The following IQSEC2 variants were observed in gnomAD, a reference collection of about 807,000 sequenced individuals.
The protein encoded by IQSEC2 is IQ motif and SEC7 domain-containing protein 2.
IQSEC2 carries 6 observed loss-of-function variants against 74.6 expected under a neutral mutation model. The ratio of observed to expected loss-of-function variants is 0.08; its 90% CI spans 0.04 to 0.16. IQSEC2 has a LOEUF of 0.16. Ranked by LOEUF, IQSEC2 falls within the 10% of genes least tolerant of loss-of-function variation. The pLI is 1.00. For synonymous variants in IQSEC2, 494 were observed against 544.5 expected (o/e 0.91, Z 1.29); for missense variants, 734 against 1,306.2 (o/e 0.56, Z 6.75).
intron 12 of IQSEC2, chrX:53,237,703 A>G (rs2074156687): frequency 5.8e-6 from 1 of 173,433 alleles, no homozygotes; most frequent in South Asian, 1.2e-4. Context: ...AATGCCTAAG[A>G]TGTGTTGGGA....
intron 2 of IQSEC2, among the ~76,000 whole-genome samples, chrX:53,269,984 C>G (rs950912250): frequency 3.6e-5 from 4 of 110,530 alleles, no homozygotes; most frequent in African/African-American, 1.3e-4. Context: ...TGCTCTGGCC[C>G]TCTTCTCTTT....
intron 1 of IQSEC2, among the ~76,000 whole-genome samples, chrX:53,301,295 C>A (rs782118270): frequency 9.0e-6 from 1 of 111,649 alleles, no homozygotes; most frequent in Non-Finnish European, 1.9e-5. Flanking sequence ...CCCTTCCCTG[C>A]AAAGCAGGAC....
chrX:53,281,054 T>C (rs2147263162), intron 2 of IQSEC2, among the ~76,000 whole-genome samples: 1 of 112,958 alleles, frequency 8.9e-6, no homozygotes, highest in African/African-American at 3.2e-5. Flanking sequence ...TCGAAGGCTC[T>C]GGATTAATCA....
At chrX:53,268,283 G>T (rs1254422107) in intron 2 of IQSEC2, among the ~76,000 whole-genome samples, 2 of 111,317 alleles carry the variant, frequency 1.8e-5, no homozygotes, top group African/African-American at 6.6e-5. Flanking sequence ...GGGAAGTGAA[G>T]GGAAAGGAAA....
At chrX:53,289,704 G>GC (rs1197591779) in intron 2 of IQSEC2, among the ~76,000 whole-genome samples, 15 of 111,202 alleles carry the variant, frequency 1.3e-4, no homozygotes, top group Non-Finnish European at 2.6e-4. Context: ...CCATGCTTTA[G>GC]CCCCTTCCCA....
At chrX:53,266,664 T>G in intron 2 of IQSEC2, 1 of 838,322 alleles carries the variant, frequency 1.2e-6, no homozygotes. Flanking sequence ...GAAGTGGGAG[T>G]GCGGGTACGG....
chrX:53,306,303 G>T (rs1316582268), intron 1 of IQSEC2, among the ~76,000 whole-genome samples: 1 of 112,174 alleles, frequency 8.9e-6, no homozygotes, highest in Non-Finnish European at 1.9e-5. Flanking sequence ...TCAAGCCACA[G>T]AGAGGGCACC....
intron 2 of IQSEC2, among the ~76,000 whole-genome samples, chrX:53,278,011 T>TC (rs2074868182): frequency 1.3e-5 from 1 of 75,301 alleles, no homozygotes; most frequent in South Asian, 8.3e-4. Context: ...TTCTTTTTTT[T>TC]TTTTTTTTTT....
chrX:53,235,187 G>A lies in IQSEC2; in HGVS notation c.3502-3C>T, dbSNP rs782720064. The A allele has an allele frequency of 2.6e-5, 30 of 1,164,257 alleles. No homozygotes were observed. The highest frequency in any genetic ancestry group is 2.9e-5 in the Non-Finnish European group (25 of 871,528). Reference sequence around the variant, plus strand: ...CGTGGACTGCTAATAACAGACCCCTGGAAGCGGGGAGGGGGGAAGTCAGGC... The same window carrying A: ...CGTGGACTGCTAATAACAGACCCCTAGAAGCGGGGAGGGGGGAAGTCAGGC... On this transcript the variant is annotated splice_region_variant and splice_polypyrimidine_tract_variant and intron_variant, in intron 14 of 14. Coordinates refer to ENST00000642864, the MANE Select transcript of IQSEC2 (RefSeq NM_001111125.3).
intron 2 of IQSEC2, among the ~76,000 whole-genome samples, chrX:53,284,113 G>A (rs1602341309): frequency 1.8e-5 from 2 of 111,289 alleles, no homozygotes; most frequent in East Asian, 2.8e-4. Context: ...GAAGCCTGTG[G>A]TTTGGGACAG....
Position 53,320,889 on chromosome X carries a change from C to T in IQSEC2, c.235G>A (p.Ala79Thr), listed in dbSNP as rs2146551860. 1 of 1,165,064 alleles carries T rather than the reference C, an allele frequency of 8.6e-7. No individual in the cohort carries two copies. ...RGELHRDPHG[A>T]RDSPGRESQY... ...CTCTCGCGGCCCGGGCTATCCCGCGCGCCGTGGGGGTCCCGGTGCAGCTCC... is the reference window on the plus strand; with the variant it reads ...CTCTCGCGGCCCGGGCTATCCCGCGTGCCGTGGGGGTCCCGGTGCAGCTCC... Residue 79 changes from alanine (A) to threonine (T), a missense_variant, in exon 1 of 15, where the codon GCG becomes ACG. Physicochemically the swap from Ala to Thr is moderately conservative, Grantham distance 58. This residue lies in a region of IQSEC2 where 134 missense variants were observed against 214.9 expected (regional missense o/e 0.62). Coordinates refer to ENST00000642864, the MANE Select transcript of IQSEC2 (RefSeq NM_001111125.3).
chrX:53,238,078 A>G, intron 12 of IQSEC2, 67 bp downstream of exon 12: 2 of 1,087,235 alleles, frequency 1.8e-6, no homozygotes, highest in Non-Finnish European at 2.5e-6. Context: ...CTCTGAGGAT[A>G]GGATTCTTGG....
chrX:53,269,926 T>A (rs1473570110), intron 2 of IQSEC2, among the ~76,000 whole-genome samples: 2 of 110,232 alleles, frequency 1.8e-5, no homozygotes, highest in Admixed American at 1.9e-4. Flanking sequence ...CCCGCCCCCA[T>A]TTCTTCCTGG....
At chrX:53,313,214 G>A (rs782250604) in intron 1 of IQSEC2, among the ~76,000 whole-genome samples, 1 of 112,270 alleles carries the variant, frequency 8.9e-6, no homozygotes, top group Admixed American at 9.5e-5. Context: ...CGGTATGCCA[G>A]GCAGCCAGGA....
At chrX:53,261,250 C>T (rs1214505225) in intron 2 of IQSEC2, among the ~76,000 whole-genome samples, 6 of 111,122 alleles carry the variant, frequency 5.4e-5, no homozygotes, top group Non-Finnish European at 1.1e-4. Flanking sequence ...CATGCAAACA[C>T]ACAGAGAGAG....
At chrX:53,259,419 C>T (rs1243125673) in intron 2 of IQSEC2, among the ~76,000 whole-genome samples, 2 of 109,385 alleles carry the variant, frequency 1.8e-5, no homozygotes, top group Non-Finnish European at 3.8e-5. Context: ...GCACGAGAAT[C>T]GCTTGAACCC....
chrX:53,281,462 G>C (rs782460956), intron 2 of IQSEC2: 1 of 869,984 alleles, frequency 1.1e-6, no homozygotes. Context: ...GGGCAGGAAG[G>C]GAGGGGGCCA....
intron 1 of IQSEC2, among the ~76,000 whole-genome samples, chrX:53,318,369 G>T (rs976103484): frequency 8.9e-6 from 1 of 112,270 alleles, no homozygotes; most frequent in African/African-American, 3.2e-5. Flanking sequence ...ACCTGGGGGG[G>T]TTCACAAAAA....
At chrX:53,287,809 C>A (rs782753415) in intron 2 of IQSEC2, among the ~76,000 whole-genome samples, 1 of 112,374 alleles carries the variant, frequency 8.9e-6, no homozygotes, top group African/African-American at 3.2e-5. Flanking sequence ...CTGGGCCAGG[C>A]GGCGGCAGAA....
Sources: gnomAD v4.1 joint callset for allele counts (sites outside exome capture counted in the v4.1 genomes callset) on GRCh38, gnomAD v4.1.1 for gene constraint, gnomAD v4.1.1 regional missense constraint, MANE v1.5 for transcripts, NCBI Gene and HGNC (gene_info 2026-07-23, HGNC 2026-07-21) for gene names.